The following ADCY9 variants were observed in gnomAD, a reference collection of about 807,000 sequenced individuals.
ADCY9 encodes the protein adenylate cyclase 9, also known as adenylate cyclase type 9.
ADCY9 carries 50 observed loss-of-function variants against 101.5 expected under a neutral mutation model. The observed-to-expected ratio is 0.49, with a 90% CI of 0.39 to 0.62. The LOEUF is 0.62. Ranked by LOEUF, ADCY9 falls within the 20% of genes least tolerant of loss-of-function variation. ADCY9 has a pLI of 0.00. For missense variants in ADCY9, 1,662 were observed against 1,800.4 expected (o/e 0.92, Z 1.39); for synonymous variants, 905 against 769.3 (o/e 1.18, Z -2.92).
chr16:4,062,611 T>G (rs1262207592), intron 2 of ADCY9, among the ~76,000 whole-genome samples: 2 of 152,076 alleles, frequency 1.3e-5, no homozygotes, highest in Non-Finnish European at 2.9e-5. Context: ...GTACAGGAAT[T>G]CAAGGTTATA....
chr16:4,005,669 G>A (rs527782487), intron 3 of ADCY9, among the ~76,000 whole-genome samples: 62 of 152,318 alleles, frequency 4.1e-4, no homozygotes, highest in African/African-American at 1.4e-3. Flanking sequence ...GCAATGTAGT[G>A]TAGAATCGCC....
chr16:4,031,043 T>C (rs914726173), intron 2 of ADCY9, among the ~76,000 whole-genome samples: 2 of 152,248 alleles, frequency 1.3e-5, no homozygotes, highest in Non-Finnish European at 2.9e-5. Flanking sequence ...GGAACTGTTC[T>C]AGATCTAGAT....
chr16:4,106,719 G>A (rs529353351), intron 2 of ADCY9, among the ~76,000 whole-genome samples: 2 of 152,318 alleles, frequency 1.3e-5, no homozygotes, highest in East Asian at 1.9e-4. Flanking sequence ...TACGGCCCAC[G>A]CAGGCTTCTG....
chr16:4,041,923 T>TC (rs1297194040), intron 2 of ADCY9, among the ~76,000 whole-genome samples: 5 of 142,358 alleles, frequency 3.5e-5, no homozygotes, highest in Non-Finnish European at 7.7e-5. Flanking sequence ...AGCTAAGTTT[T>TC]TTTTTTTTTT....
chr16:4,053,351 G>C (rs2056714061), intron 2 of ADCY9, among the ~76,000 whole-genome samples: 1 of 152,194 alleles, frequency 6.6e-6, no homozygotes. Context: ...AGACAGTTAA[G>C]TTACCAGGTG....
rs143775122 is a variant in ADCY9 at position 4,088,500 on chromosome 16, G to A, written c.1693+25250C>T. On this transcript the variant is annotated intron_variant, in intron 2 of 10. Coordinates refer to ENST00000294016, the MANE Select transcript of ADCY9 (RefSeq NM_001116.4). ...CGACAGGATTTCACCATGTGAACCA[G>A]GCTGGTCTTGAACTCCTGAGCTCAA... Among the ~76,000 whole-genome samples, 37 of 152,116 alleles carry A rather than the reference G, an allele frequency of 2.4e-4. 1 individual carries two copies. In the East Asian group the frequency reaches 7.1e-3, roughly 29 times the overall value.
chr16:4,095,784 C>G (rs1044192761), intron 2 of ADCY9, among the ~76,000 whole-genome samples: 86 of 151,982 alleles, frequency 5.7e-4, no homozygotes, highest in African/African-American at 2.0e-3. Context: ...CAAGACCAGC[C>G]TGGGCAACAT....
At position 4,114,755 on chromosome 16, in the gene ADCY9, C is replaced by T. The variant is rs201211738; in HGVS notation, c.688G>A (p.Val230Met). 23 of 1,613,080 alleles carry T rather than the reference C, an allele frequency of 1.4e-5. No individual in the cohort carries two copies. Among genetic ancestry groups the T allele is most frequent in the Non-Finnish European group, 1.9e-5 (22 of 1,180,052 alleles). Residue 230 changes from valine to methionine, a missense_variant, in exon 2 of 11, where the codon GTG becomes ATG. Physicochemically the swap from Val to Met is conservative, Grantham distance 21. Coordinates refer to ENST00000294016, the MANE Select transcript of ADCY9 (RefSeq NM_001116.4). This position sits in a 1 kb window ranked among gnomAD's most constrained non-coding sequence, Gnocchi z 4.3. Reference protein sequence around the residue: ...QVGSFSMCIEVLFLLYTVMHL... With the variant: ...QVGSFSMCIEMLFLLYTVMHL... Reference sequence around the variant, plus strand: ...ATGACGGTATAGAGCAAAAAGAGCACTTCGATGCACATGGAGAAGCTCCCC... The same window carrying T: ...ATGACGGTATAGAGCAAAAAGAGCATTTCGATGCACATGGAGAAGCTCCCC...
chr16:3,993,255 CTCT>C, intron 4 of ADCY9, 148 bp downstream of exon 4: 1 of 1,380,444 alleles, frequency 7.2e-7, no homozygotes, highest in Non-Finnish European at 9.7e-7. Context: ...CCCTGCCGGT[CTCT>C]TCAACACCCG....
At chr16:4,038,436 T>G (rs2056604771) in intron 2 of ADCY9, among the ~76,000 whole-genome samples, 1 of 152,154 alleles carries the variant, frequency 6.6e-6, no homozygotes, top group Non-Finnish European at 1.5e-5. Context: ...GCCTTTGCTC[T>G]TCTGTCATGT....
At chr16:4,061,697 C>T (rs185188545) in intron 2 of ADCY9, among the ~76,000 whole-genome samples, 67 of 152,184 alleles carry the variant, frequency 4.4e-4, no homozygotes, top group African/African-American at 1.4e-3. Flanking sequence ...GCAGACCCTA[C>T]TTACAAGAAA....
intron 5 of ADCY9, among the ~76,000 whole-genome samples, chr16:3,953,989 C>T (rs776461918): frequency 2.6e-5 from 4 of 152,182 alleles, no homozygotes; most frequent in African/African-American, 9.7e-5. Flanking sequence ...GATCATCTCA[C>T]GGATGGCTGA....
At chr16:4,109,433 G>A (rs906927675) in intron 2 of ADCY9, among the ~76,000 whole-genome samples, 3 of 152,300 alleles carry the variant, frequency 2.0e-5, no homozygotes, top group South Asian at 2.1e-4. Context: ...ACCCAGAACC[G>A]TGCCTGGCAC....
intron 2 of ADCY9, among the ~76,000 whole-genome samples, chr16:4,045,260 G>C (rs1038496647): frequency 1.3e-5 from 2 of 152,034 alleles, no homozygotes; most frequent in Admixed American, 1.3e-4. Context: ...AAAAATGAAA[G>C]CCCAGGTAAC....
downstream of ADCY9, among the ~76,000 whole-genome samples, chr16:3,958,711 G>A (rs2055921765): frequency 4.6e-5 from 5 of 108,176 alleles, no homozygotes; most frequent in Non-Finnish European, 6.8e-5. Flanking sequence ...TTGCTCTGTC[G>A]CCCAGGCTGG....
intron 2 of ADCY9, among the ~76,000 whole-genome samples, chr16:4,094,746 G>A (rs894707890): frequency 9.9e-5 from 15 of 152,000 alleles, no homozygotes; most frequent in Admixed American, 2.0e-4. Context: ...CTGGAACACC[G>A]CCTCACCCAG....
At chr16:4,007,681 T>C in intron 2 of ADCY9, 123 bp from the exon 3 acceptor site, 1 of 777,504 alleles carries the variant, frequency 1.3e-6, no homozygotes, top group Non-Finnish European at 2.0e-6. Flanking sequence ...AAAATGTGAA[T>C]AGGTCATAGT....
At chr16:4,024,677 GA>G (rs1161142659) in intron 2 of ADCY9, among the ~76,000 whole-genome samples, 2 of 152,104 alleles carry the variant, frequency 1.3e-5, no homozygotes, top group Non-Finnish European at 2.9e-5. Context: ...GCAAAAGCTG[GA>G]GTGGCCTTAG....
chr16:4,022,377 G>A (rs1211195313), intron 2 of ADCY9, among the ~76,000 whole-genome samples: 1 of 150,218 alleles, frequency 6.7e-6, no homozygotes, highest in African/African-American at 2.4e-5. Context: ...TGTAATCACA[G>A]TTCCTCAGGA....
Sources: allele counts gnomAD v4.1 joint callset (sites outside exome capture counted in the v4.1 genomes callset), GRCh38; gene constraint gnomAD v4.1.1; non-coding constraint Gnocchi (gnomAD v3.1); transcripts MANE v1.5; gene names NCBI Gene and HGNC (gene_info 2026-07-23, HGNC 2026-07-21).